KCNU1: variants seen among roughly 807,000 people sequenced by gnomAD.
KCNU1 encodes the protein potassium calcium-activated channel subfamily U member 1, also known as potassium channel subfamily U member 1.
A neutral mutation model predicts 126.8 loss-of-function variants in KCNU1; 93 were observed. The observed-to-expected ratio is 0.73, with a 90% CI of 0.62 to 0.87. KCNU1 has a LOEUF of 0.87. KCNU1 is among the 40% of genes least tolerant of loss of function. The probability of loss-of-function intolerance (pLI) is 0.00; values close to 1 mark genes in which losing one functional copy is unlikely to be tolerated. For synonymous variants in KCNU1, 523 were observed against 494.2 expected (o/e 1.06, Z -0.77); for missense variants, 1,330 against 1,367.1 (o/e 0.97, Z 0.43).
At chr8:36,834,454 C>T (rs886600809) in intron 11 of KCNU1, among the ~76,000 whole-genome samples, 1 of 152,140 alleles carries the variant, frequency 6.6e-6, no homozygotes, top group Non-Finnish European at 1.5e-5. Flanking sequence ...CAGACGGTTG[C>T]TTATAAAGGC....
intron 18 of KCNU1, among the ~76,000 whole-genome samples, chr8:36,855,147 C>T (rs959120599): frequency 6.6e-6 from 1 of 152,100 alleles, no homozygotes; most frequent in African/African-American, 2.4e-5. Flanking sequence ...TCTGCTTATG[C>T]ATACAGCTTT....
intron 12 of KCNU1, among the ~76,000 whole-genome samples, 160 bp downstream of exon 12, chr8:36,835,028 CTG>C (rs2130551924): frequency 6.6e-6 from 1 of 152,290 alleles, no homozygotes; most frequent in South Asian, 2.1e-4. Flanking sequence ...CTCCCCAAGA[CTG>C]TGCAGATGGA....
intron 18 of KCNU1, among the ~76,000 whole-genome samples, chr8:36,851,770 T>C (rs1028467723): frequency 2.6e-5 from 4 of 152,348 alleles, no homozygotes; most frequent in African/African-American, 9.6e-5. Flanking sequence ...TCATTTGTAG[T>C]ATATACAGGT....
At chr8:36,895,031 C>T (rs944915495) in intron 19 of KCNU1, among the ~76,000 whole-genome samples, 13 of 151,824 alleles carry the variant, frequency 8.6e-5, no homozygotes, top group African/African-American at 3.1e-4. Flanking sequence ...ATCTGAATAT[C>T]CTGACTTACC....
intron 18 of KCNU1, among the ~76,000 whole-genome samples, chr8:36,849,243 G>A (rs528075423): frequency 6.6e-6 from 1 of 152,226 alleles, no homozygotes; most frequent in Non-Finnish European, 1.5e-5. Flanking sequence ...CCTATAGTTT[G>A]TGGCTTGTTG....
At chr8:36,801,105 G>T (rs1032849059) in intron 2 of KCNU1, among the ~76,000 whole-genome samples, 4 of 152,158 alleles carry the variant, frequency 2.6e-5, no homozygotes, top group Non-Finnish European at 5.9e-5. Context: ...TGTCAACAAG[G>T]GTTGCGCAAT....
At chr8:36,817,457 C>T (rs1418607085) in intron 9 of KCNU1, among the ~76,000 whole-genome samples, 193 bp from the exon 10 acceptor site, 1 of 138,206 alleles carries the variant, frequency 7.2e-6, no homozygotes, top group Non-Finnish European at 1.5e-5. Context: ...TGAGATCACA[C>T]CATTGCACTC....
chr8:36,844,576 T>C (rs1015185199), intron 16 of KCNU1, among the ~76,000 whole-genome samples: 1 of 152,220 alleles, frequency 6.6e-6, no homozygotes, highest in African/African-American at 2.4e-5. Flanking sequence ...GTAATCTACC[T>C]GAACACAGCT....
chr8:36,893,090 T>C (rs1479965204), intron 19 of KCNU1, among the ~76,000 whole-genome samples: 1 of 152,066 alleles, frequency 6.6e-6, no homozygotes, highest in African/African-American at 2.4e-5. Context: ...GCCTCTCAAG[T>C]AGCTGTTATT....
At chr8:36,887,982 C>T (rs1400993102) in intron 19 of KCNU1, among the ~76,000 whole-genome samples, 1 of 152,098 alleles carries the variant, frequency 6.6e-6, no homozygotes, top group Non-Finnish European at 1.5e-5. Flanking sequence ...CTCATCTAAT[C>T]TCCTCTCCTG....
rs538274734 is a variant in KCNU1, at chr8:36,874,547, G to A, written c.2009+10026G>A. On this transcript the variant is annotated intron_variant, in intron 19 of 26. Transcript: ENST00000399881. The stretch of plus-strand genomic sequence containing the variant: ...ACAGGTGCCACCACGTGCCCTCCCT[G>A]GGCAGGAGGTCTTGGTGGCATCATC... 1.6e-4 allele frequency among the ~76,000 whole-genome samples: 24 copies of A among 152,206 alleles called. 1 individual carries two copies. The highest frequency in any genetic ancestry group is 5.2e-4 in the Admixed American group (8 of 15,298).
chr8:36,831,247 G>T (rs1168218412), intron 10 of KCNU1, among the ~76,000 whole-genome samples: 5 of 152,046 alleles, frequency 3.3e-5, no homozygotes, highest in Non-Finnish European at 5.9e-5. Context: ...ATAGCAGCAT[G>T]ATTTATAGTC....
intron 7 of KCNU1, among the ~76,000 whole-genome samples, chr8:36,810,614 T>A (rs773269094): frequency 6.6e-6 from 1 of 152,228 alleles, no homozygotes; most frequent in Non-Finnish European, 1.5e-5. Context: ...AAGCTATGGT[T>A]GCCCTAACTC....
intron 5 of KCNU1, among the ~76,000 whole-genome samples, chr8:36,806,718 A>G (rs1248505053): frequency 6.6e-6 from 1 of 152,224 alleles, no homozygotes; most frequent in East Asian, 1.9e-4. Context: ...CTTTGTCATT[A>G]AAAGCTAATC....
chr8:36,881,867 T>C (rs1806495996), intron 19 of KCNU1, among the ~76,000 whole-genome samples: 1 of 150,424 alleles, frequency 6.6e-6, no homozygotes, highest in South Asian at 2.1e-4. Flanking sequence ...GGCCCCTACA[T>C]TTGTCAAAGA....
At chr8:36,885,015 G>A (rs1462946809) in intron 19 of KCNU1, among the ~76,000 whole-genome samples, 2 of 152,186 alleles carry the variant, frequency 1.3e-5, no homozygotes, top group African/African-American at 2.4e-5. Context: ...GTGGAGAATC[G>A]CAGCTGAGAT....
At chr8:36,856,195 T>G (rs772353758) in intron 18 of KCNU1, among the ~76,000 whole-genome samples, 6 of 152,224 alleles carry the variant, frequency 3.9e-5, no homozygotes, top group Non-Finnish European at 8.8e-5. Context: ...AATCAGGATT[T>G]CCTTCATTTC....
intron 24 of KCNU1, among the ~76,000 whole-genome samples, chr8:36,925,012 G>T (rs1808487117): frequency 6.6e-6 from 1 of 152,118 alleles, no homozygotes; most frequent in Non-Finnish European, 1.5e-5. Context: ...GAGGAACACA[G>T]ATTTGGTCAT....
At chr8:36,876,488 T>C (rs1490552604) in intron 19 of KCNU1, among the ~76,000 whole-genome samples, 1 of 152,204 alleles carries the variant, frequency 6.6e-6, no homozygotes, top group Non-Finnish European at 1.5e-5. Context: ...TCAACCCTGA[T>C]TCTATCCCTC....
Sources: gnomAD v4.1 joint callset for allele counts (sites outside exome capture counted in the v4.1 genomes callset) on GRCh38, gnomAD v4.1.1 for gene constraint, MANE v1.5 for transcripts, NCBI Gene and HGNC (gene_info 2026-07-23, HGNC 2026-07-21) for gene names.